The following ARHGAP42 variants were observed in gnomAD, a reference collection of about 807,000 sequenced individuals.
ARHGAP42 encodes the protein Rho GTPase activating protein 42.
ARHGAP42 carries 63 observed loss-of-function variants against 125.0 expected under a neutral mutation model. The ratio of observed to expected loss-of-function variants is 0.50; its 90% CI spans 0.41 to 0.62. ARHGAP42 has a LOEUF of 0.62. ARHGAP42 is among the 20% of genes least tolerant of loss of function. The pLI is 0.00. For missense variants in ARHGAP42, 766 were observed against 1,024.2 expected (o/e 0.75, Z 3.44); for synonymous variants, 339 against 351.0 (o/e 0.97, Z 0.38).
chr11:100,914,312 C>T (rs1015818216), intron 5 of ARHGAP42, among the ~76,000 whole-genome samples: 3 of 152,036 alleles, frequency 2.0e-5, no homozygotes, highest in African/African-American at 7.2e-5. Flanking sequence ...CTCACATCTA[C>T]ACATCTAAGC....
intron 4 of ARHGAP42, among the ~76,000 whole-genome samples, chr11:100,886,881 G>C (rs752765454): frequency 2.5e-4 from 38 of 152,104 alleles, no homozygotes; most frequent in Non-Finnish European, 5.3e-4. Context: ...AATGAAGGAG[G>C]TCTCTTTCTG....
chr11:100,889,491 C>G (rs1030992258), intron 4 of ARHGAP42, among the ~76,000 whole-genome samples: 5 of 152,138 alleles, frequency 3.3e-5, no homozygotes, highest in Non-Finnish European at 7.3e-5. Context: ...TCATCTTGGA[C>G]TTCTCACTTC....
chr11:100,946,914 A>G (rs1377298008), intron 10 of ARHGAP42, among the ~76,000 whole-genome samples: 2 of 151,898 alleles, frequency 1.3e-5, no homozygotes, highest in African/African-American at 4.8e-5. Context: ...AAAATGCAGT[A>G]TCTGCAAAGC....
intron 1 of ARHGAP42, among the ~76,000 whole-genome samples, chr11:100,751,443 C>G (rs1056545084): frequency 7.2e-5 from 11 of 151,726 alleles, no homozygotes; most frequent in African/African-American, 2.7e-4. Context: ...ACTACCATAC[C>G]CAGCTAATTT....
intron 15 of ARHGAP42, 23 bp downstream of exon 15, chr11:100,961,791 T>G: frequency 2.0e-6 from 3 of 1,532,834 alleles, no homozygotes; most frequent in Non-Finnish European, 1.8e-6. Context: ...TAACTCCTGG[T>G]ACTCTGGATG....
intron 1 of ARHGAP42, among the ~76,000 whole-genome samples, chr11:100,747,728 T>G (rs1862337410): frequency 1.3e-5 from 2 of 152,238 alleles, no homozygotes; most frequent in African/African-American, 4.8e-5. Context: ...TTTACTTTCC[T>G]TACACACCTT....
intron 4 of ARHGAP42, among the ~76,000 whole-genome samples, chr11:100,863,474 T>A (rs944615829): frequency 5.9e-5 from 9 of 152,234 alleles, no homozygotes; most frequent in Non-Finnish European, 1.2e-4. Flanking sequence ...ATAAGATCCA[T>A]GGACCACAAA....
At chr11:100,847,521 TG>T (rs1463369122) in intron 3 of ARHGAP42, among the ~76,000 whole-genome samples, 2 of 152,098 alleles carry the variant, frequency 1.3e-5, no homozygotes, top group Non-Finnish European at 2.9e-5. Context: ...TGATAAACGC[TG>T]GGGAGTGAAA....
chr11:100,734,082 C>T (rs1014286401), intron 1 of ARHGAP42, among the ~76,000 whole-genome samples: 17 of 147,010 alleles, frequency 1.2e-4, no homozygotes, highest in African/African-American at 4.0e-4. Context: ...TTACAGGCAC[C>T]CACCAGCATG....
At chr11:100,894,421 A>G (rs1007404037) in intron 4 of ARHGAP42, among the ~76,000 whole-genome samples, 1 of 152,210 alleles carries the variant, frequency 6.6e-6, no homozygotes, top group East Asian at 1.9e-4. Context: ...ATAAAGCAAT[A>G]CTGAAGGATA....
intron 17 of ARHGAP42, among the ~76,000 whole-genome samples, chr11:100,968,805 T>C (rs1025065709): frequency 6.6e-5 from 10 of 152,214 alleles, no homozygotes; most frequent in African/African-American, 2.4e-4. Flanking sequence ...TTAAATGTTA[T>C]AGGCCCAACA....
chr11:100,766,715 A>G (rs949547365), intron 1 of ARHGAP42, among the ~76,000 whole-genome samples: 1 of 152,198 alleles, frequency 6.6e-6, no homozygotes, highest in Non-Finnish European at 1.5e-5. Flanking sequence ...AGAAAATATC[A>G]TAACTTCTTT....
chr11:100,700,525 A>G (rs1427419742), intron 1 of ARHGAP42, among the ~76,000 whole-genome samples: 3 of 152,160 alleles, frequency 2.0e-5, no homozygotes, highest in Non-Finnish European at 4.4e-5. Context: ...GATTTTTATT[A>G]AGTAAGTTTA....
intron 1 of ARHGAP42, among the ~76,000 whole-genome samples, chr11:100,745,082 G>GGAATGAGTCAGGGTGGA (rs548022889): frequency 6.6e-6 from 1 of 152,126 alleles, no homozygotes; most frequent in Non-Finnish European, 1.5e-5. Context: ...GCAAGAAATC[G>GGAATGAGTCAGGGTGGA]GAATGAGTCA....
chr11:100,864,946 A>C (rs1865534727), intron 4 of ARHGAP42, among the ~76,000 whole-genome samples: 1 of 152,208 alleles, frequency 6.6e-6, no homozygotes. Flanking sequence ...GACTTGGGAA[A>C]TACTGCCCAT....
intron 1 of ARHGAP42, among the ~76,000 whole-genome samples, chr11:100,762,713 T>A (rs1266454383): frequency 1.3e-5 from 2 of 152,328 alleles, no homozygotes; most frequent in Non-Finnish European, 2.9e-5. Context: ...TTTCTTATAC[T>A]TTGCCACACC....
chr11:100,871,515 CAG>C (rs1865695164), intron 4 of ARHGAP42, among the ~76,000 whole-genome samples: 1 of 143,204 alleles, frequency 7.0e-6, no homozygotes, highest in Middle Eastern at 3.8e-3. Flanking sequence ...CACTGCACTC[CAG>C]CCTGGGTGAC....
At chr11:100,877,576 C>T (rs1267288834) in intron 4 of ARHGAP42, among the ~76,000 whole-genome samples, 2 of 152,178 alleles carry the variant, frequency 1.3e-5, no homozygotes, top group Non-Finnish European at 2.9e-5. Context: ...TATCTTGAGT[C>T]TGGCTTTCCA....
intron 1 of ARHGAP42, among the ~76,000 whole-genome samples, chr11:100,763,923 T>C (rs368119521): frequency 6.6e-5 from 10 of 152,306 alleles, no homozygotes; most frequent in African/African-American, 2.4e-4. Flanking sequence ...AAAATTTATA[T>C]AGCAGGTAAA....
Sources: allele counts gnomAD v4.1 joint callset (sites outside exome capture counted in the v4.1 genomes callset), GRCh38; gene constraint gnomAD v4.1.1; transcripts MANE v1.5; gene names NCBI Gene and HGNC (gene_info 2026-07-23, HGNC 2026-07-21).